The following FBXO27 variants were observed in gnomAD, a reference collection of about 807,000 sequenced individuals.
FBXO27 encodes F-box only protein 27.
FBXO27 carries 28 observed loss-of-function variants against 28.3 expected under a neutral mutation model. The observed-to-expected ratio is 0.99, with a 90% CI of 0.73 to 1.36. FBXO27 has a LOEUF of 1.36. FBXO27 is among the 40% of genes most tolerant of loss of function. The pLI, the probability that FBXO27 is intolerant of heterozygous loss-of-function variation, is 0.00. For missense variants in FBXO27, 388 were observed against 394.1 expected, an observed-to-expected ratio of 0.98 and a Z score of 0.13; for synonymous variants, 175 against 167.3, an observed-to-expected ratio of 1.05 and a Z score of -0.36.
intron 4 of FBXO27, among the ~76,000 whole-genome samples, chr19:39,030,153 C>T (rs565730663): frequency 6.6e-6 from 1 of 152,148 alleles, no homozygotes; most frequent in Admixed American, 6.6e-5. Context: ...GCCATCTCCC[C>T]TTTCCCAACC....
At chr19:39,016,767 A>T (rs150617775) in intron 1 of FBXO27, among the ~76,000 whole-genome samples, 5 of 151,844 alleles carry the variant, frequency 3.3e-5, no homozygotes, top group Non-Finnish European at 5.9e-5. Context: ...CCTGGGCAAC[A>T]GAGTGAGAAC....
intron 3 of FBXO27, 39 bp from the exon 4 acceptor site, chr19:39,031,163 C>G (rs1221908430): frequency 3.1e-6 from 5 of 1,612,986 alleles, no homozygotes; most frequent in Middle Eastern, 3.3e-4. Context: ...AACAGGCAGG[C>G]CTTTCTCAAC....
chr19:39,007,706 G>A (rs544424536), intron 2 of FBXO27, among the ~76,000 whole-genome samples: 3 of 152,162 alleles, frequency 2.0e-5, no homozygotes, highest in South Asian at 2.1e-4. Context: ...GCAATGGCGC[G>A]ATCTCAGCTC....
At chr19:39,014,360 A>G (rs925718706) in intron 2 of FBXO27, 3 of 152,188 alleles carry the variant, frequency 2.0e-5, no homozygotes, top group Non-Finnish European at 4.4e-5. Context: ...TGCAAGTGAC[A>G]AACAAGGCTT....
chr19:39,025,398 G>C lies in FBXO27; in HGVS notation c.*13C>G. ...GCACAGTCAGGCTGTCTTGCAAGAA[G>C]GGTAGTGCTGGACTAGGACAGACGG... On this transcript the variant is annotated 3_prime_UTR_variant, in exon 6 of 6. Coordinates refer to ENST00000292853, the MANE Select transcript of FBXO27 (RefSeq NM_178820.5). 6.2e-7 allele frequency: 1 copy of C among 1,609,436 alleles called. No individual in the cohort carries two copies. The highest frequency in any genetic ancestry group is 8.5e-7 in the Non-Finnish European group (1 of 1,177,306).
At chr19:39,016,641 G>A (rs1486666284) in intron 1 of FBXO27, among the ~76,000 whole-genome samples, 1 of 150,580 alleles carries the variant, frequency 6.6e-6, no homozygotes, top group Non-Finnish European at 1.5e-5. Flanking sequence ...AAATTAGCTG[G>A]GTGTGGTGGC....
Position 39,025,534 on chromosome 19 carries a change from GT to G in FBXO27, c.728del (p.Asn243ThrfsTer29). ...ACLHVTHVFS[N>X]IKMGVRFVSF... Reference sequence around the variant, plus strand: ...ACACAAAGCGGACGCCCATCTTGATGTTGGAGAACACGTGGGTGACCTGTAG... The same window carrying G: ...ACACAAAGCGGACGCCCATCTTGATGTGGAGAACACGTGGGTGACCTGTAG... On this transcript the variant is annotated frameshift_variant, in exon 6 of 6. Transcript: ENST00000292853. LOFTEE classifies it low-confidence loss of function (END_TRUNC). 1.9e-6 allele frequency: 3 copies of G among 1,614,044 alleles called. No individual in the cohort carries two copies. The highest frequency in any genetic ancestry group is 2.5e-6 in the Non-Finnish European group (3 of 1,179,930).
intron 2 of FBXO27, among the ~76,000 whole-genome samples, chr19:39,011,696 G>T (rs1048604217): frequency 1.8e-5 from 1 of 56,760 alleles, no homozygotes; most frequent in African/African-American, 5.8e-5. Context: ...ATGGCGGCGG[G>T]GGAGGGGGGG....
chr19:39,019,844 T>C (rs1454332625), downstream of FBXO27, among the ~76,000 whole-genome samples: 1 of 152,032 alleles, frequency 6.6e-6, no homozygotes, highest in Non-Finnish European at 1.5e-5. Flanking sequence ...CTCCGCCTCC[T>C]GGGTTCAAGC....
intron 2 of FBXO27, among the ~76,000 whole-genome samples, chr19:39,011,425 C>G (rs1326409375): frequency 1.3e-5 from 2 of 152,134 alleles, no homozygotes; most frequent in African/African-American, 2.4e-5. Flanking sequence ...GAGCGAAACT[C>G]TCTCTCTCAA....
At chr19:39,020,335 G>T (rs1469617370), downstream of FBXO27, among the ~76,000 whole-genome samples, 1 of 152,084 alleles carries the variant, frequency 6.6e-6, no homozygotes, top group South Asian at 2.1e-4. Flanking sequence ...CCGACGCTTT[G>T]TCCTTGAAGT....
Position 39,012,365 on chromosome 19 carries a change from A to G in FBXO27, c.252+2022T>C, listed in dbSNP as rs867959360. Among the ~76,000 whole-genome samples, 3 of 149,866 alleles carry G rather than the reference A, an allele frequency of 2.0e-5. No individual in the cohort carries two copies. In the South Asian group the frequency reaches 6.4e-4, roughly 32 times the overall value. ...ACGCCCGACCCATTTTGTATTTTTA[A>G]TAGAGATGGGGTTTCTCCATGTTGA... is the stretch of plus-strand genomic sequence containing the variant. On this transcript the variant is annotated intron_variant, in intron 2 of 2. Coordinates refer to the FBXO27 transcript ENST00000598394.
At chr19:39,012,830 C>T (rs1160344099) in intron 2 of FBXO27, among the ~76,000 whole-genome samples, 2 of 151,804 alleles carry the variant, frequency 1.3e-5, no homozygotes, top group Non-Finnish European at 2.9e-5. Flanking sequence ...CGTGGAGGCG[C>T]GGGCCTGTAG....
At chr19:39,029,083 C>G (rs2072888542) in intron 4 of FBXO27, among the ~76,000 whole-genome samples, 1 of 148,584 alleles carries the variant, frequency 6.7e-6, no homozygotes, top group Non-Finnish European at 1.5e-5. Context: ...GGAGATGTAT[C>G]TCTTAATGAG....
downstream of FBXO27, among the ~76,000 whole-genome samples, chr19:39,020,400 C>T (rs1251600039): frequency 6.6e-6 from 1 of 151,974 alleles, no homozygotes; most frequent in African/African-American, 2.4e-5. Context: ...CCCTGGCCAC[C>T]AAGAACCCCA....
downstream of FBXO27, among the ~76,000 whole-genome samples, chr19:39,021,926 GC>G (rs764568877): frequency 5.6e-4 from 85 of 152,056 alleles, no homozygotes; most frequent in Non-Finnish European, 1.0e-3. Flanking sequence ...CTCCCAAAGT[GC>G]TGGGATTACA....
chr19:39,011,289 G>A (rs192218837), intron 2 of FBXO27, among the ~76,000 whole-genome samples: 86 of 152,194 alleles, frequency 5.7e-4, no homozygotes, highest in African/African-American at 1.9e-3. Flanking sequence ...AACATTAGCC[G>A]GGCGTGGTGT....
chr19:39,006,451 C>T (rs1040428049), intron 2 of FBXO27, among the ~76,000 whole-genome samples: 1 of 151,822 alleles, frequency 6.6e-6, no homozygotes, highest in Non-Finnish European at 1.5e-5. Flanking sequence ...CCCAGCTATT[C>T]GAGAGGCTGA....
intron 1 of FBXO27, among the ~76,000 whole-genome samples, chr19:39,017,458 C>G (rs2072825304): frequency 6.6e-6 from 1 of 151,392 alleles, no homozygotes; most frequent in Admixed American, 6.6e-5. Context: ...CTTTGGGAGG[C>G]CGAGGAGGGT....
Sources: gnomAD v4.1 joint callset for allele counts (sites outside exome capture counted in the v4.1 genomes callset) on GRCh38, gnomAD v4.1.1 for gene constraint, MANE v1.5 for transcripts, NCBI Gene and HGNC (gene_info 2026-07-23, HGNC 2026-07-21) for gene names.